The following PREX2 variants were observed in gnomAD, a reference collection of about 807,000 sequenced individuals.
PREX2 encodes the protein phosphatidylinositol-3,4,5-trisphosphate dependent Rac exchange factor 2, also known as phosphatidylinositol 3,4,5-trisphosphate-dependent Rac exchanger 2 protein.
In PREX2, 107 loss-of-function variants were observed where a neutral mutation model predicts 203.2. The ratio of observed to expected loss-of-function variants is 0.53; its 90% confidence interval spans 0.45 to 0.62. The LOEUF is 0.62. PREX2 is among the 20% of genes least tolerant of loss of function. The pLI is 0.00. For missense variants in PREX2, 1,777 were observed against 1,955.9 expected, an observed-to-expected ratio of 0.91 and a Z score of 1.72; for synonymous variants, 672 against 663.6, an observed-to-expected ratio of 1.01 and a Z score of -0.19.
chr8:67,982,779 A>G (rs1429735828), intron 1 of PREX2, among the ~76,000 whole-genome samples: 1 of 152,234 alleles, frequency 6.6e-6, no homozygotes, highest in Non-Finnish European at 1.5e-5. Context: ...CTGACCCTCA[A>G]GATGGAATGG....
chr8:68,150,758 G>A (rs564464134), intron 34 of PREX2, among the ~76,000 whole-genome samples: 3 of 152,242 alleles, frequency 2.0e-5, no homozygotes, highest in African/African-American at 7.2e-5. Flanking sequence ...GAAATGATGC[G>A]TTCATTTCCC....
chr8:68,062,770 C>T (rs538922080), intron 11 of PREX2, among the ~76,000 whole-genome samples: 197 of 151,268 alleles, frequency 1.3e-3, no homozygotes, highest in Non-Finnish European at 2.3e-3. Flanking sequence ...TGAAATCTTT[C>T]TTCATGTATT....
intron 37 of PREX2, among the ~76,000 whole-genome samples, chr8:68,193,419 C>G (rs1414591796): frequency 6.6e-6 from 1 of 152,124 alleles, no homozygotes; most frequent in Admixed American, 6.6e-5. Flanking sequence ...CCCATCAACC[C>G]GTCACCTACA....
At chr8:68,117,422 C>T (rs138146913) in intron 26 of PREX2, among the ~76,000 whole-genome samples, 125 of 152,278 alleles carry the variant, frequency 8.2e-4, no homozygotes, top group African/African-American at 2.9e-3. Context: ...AATAATAGAT[C>T]AGACAGATTA....
chr8:68,192,330 T>C lies in PREX2; in HGVS notation c.4414-5T>C, dbSNP rs190692381. ...AACTTGACGTTCATCACTTTTTTTCTGCAGCTAATGAGGCCTCTCAACGCT... is the reference window on the plus strand; with the variant it reads ...AACTTGACGTTCATCACTTTTTTTCCGCAGCTAATGAGGCCTCTCAACGCT... On this transcript the variant is annotated splice_region_variant and splice_polypyrimidine_tract_variant and intron_variant, in intron 36 of 39. Coordinates refer to ENST00000288368, the MANE Select transcript of PREX2 (RefSeq NM_024870.4). 5 of 1,576,236 alleles carry C rather than the reference T, an allele frequency of 3.2e-6. No individual in the cohort carries two copies. In the African/African-American group the frequency reaches 5.4e-5, roughly 17 times the overall value.
chr8:68,096,957 A>G lies in PREX2; in HGVS notation c.2369-60A>G, dbSNP rs527328817. 54 of 1,388,762 alleles carry G rather than the reference A, an allele frequency of 3.9e-5. No homozygotes were observed. The African/African-American group carries it at 6.2e-4, about 16-fold the overall frequency. The allele number at this position is 1,388,762 out of a possible 1,614,324, so 86.0% of individuals were successfully genotyped here. Reference sequence around the variant, plus strand: ...AAATTATTTAAAGAGACACAAAATTATTTGAGGAGATTAACAAATCCTTCA... The same window carrying G: ...AAATTATTTAAAGAGACACAAAATTGTTTGAGGAGATTAACAAATCCTTCA... On this transcript the variant is annotated intron_variant, in intron 21 of 39. Coordinates refer to ENST00000288368, the MANE Select transcript of PREX2 (RefSeq NM_024870.4).
chr8:68,100,673 G>A (rs1377551731), intron 23 of PREX2, among the ~76,000 whole-genome samples: 5 of 152,206 alleles, frequency 3.3e-5, no homozygotes, highest in African/African-American at 1.2e-4. Flanking sequence ...CAGAGGCTTA[G>A]GTGGGGCCAA....
chr8:67,981,309 A>G (rs977055376), intron 1 of PREX2, among the ~76,000 whole-genome samples: 3 of 152,182 alleles, frequency 2.0e-5, no homozygotes, highest in Admixed American at 6.5e-5. Context: ...TCTGGATGCC[A>G]TCTTTTAAAA....
chr8:68,022,345 T>C (rs1807594500), intron 4 of PREX2, among the ~76,000 whole-genome samples: 1 of 152,006 alleles, frequency 6.6e-6, no homozygotes, highest in Non-Finnish European at 1.5e-5. Context: ...TGCCCCCTCG[T>C]GGTTGATTAT....
chr8:67,961,804 T>C (rs1805641410), intron 1 of PREX2, among the ~76,000 whole-genome samples: 1 of 152,194 alleles, frequency 6.6e-6, no homozygotes, highest in South Asian at 2.1e-4. Context: ...TTGTATAGCC[T>C]TACATATAAC....
At chr8:67,966,711 A>G (rs1247009770) in intron 1 of PREX2, among the ~76,000 whole-genome samples, 2 of 152,262 alleles carry the variant, frequency 1.3e-5, no homozygotes, top group Non-Finnish European at 2.9e-5. Context: ...ACTTATTTTC[A>G]GCAATGAATC....
At chr8:68,215,473 T>C (rs925173462) in intron 37 of PREX2, among the ~76,000 whole-genome samples, 3 of 151,456 alleles carry the variant, frequency 2.0e-5, no homozygotes, top group Non-Finnish European at 4.4e-5. Context: ...GAGACCTTAA[T>C]GAGGAGAAAA....
At chr8:68,093,034 T>G (rs1809930575) in intron 20 of PREX2, among the ~76,000 whole-genome samples, 1 of 152,146 alleles carries the variant, frequency 6.6e-6, no homozygotes, top group African/African-American at 2.4e-5. Context: ...TTGGAATATA[T>G]CCTATTTAAA....
intron 35 of PREX2, among the ~76,000 whole-genome samples, chr8:68,165,202 C>T (rs1811737441): frequency 1.3e-5 from 2 of 152,088 alleles, no homozygotes; most frequent in South Asian, 4.1e-4. Context: ...ATTTCAACAT[C>T]AGCATCAATA....
At chr8:68,036,940 CA>C (rs991834797) in intron 6 of PREX2, among the ~76,000 whole-genome samples, 1 of 148,128 alleles carries the variant, frequency 6.8e-6, no homozygotes. Flanking sequence ...AACTCCATTT[CA>C]AAAAAAAAGA....
At chr8:67,989,827 A>AT (rs1806545050) in intron 1 of PREX2, among the ~76,000 whole-genome samples, 1 of 152,210 alleles carries the variant, frequency 6.6e-6, no homozygotes, top group Non-Finnish European at 1.5e-5. Flanking sequence ...GAAATGTCAC[A>AT]TTTCTGTAAA....
chr8:68,221,038 C>A (rs917369231), intron 38 of PREX2, among the ~76,000 whole-genome samples: 1 of 151,982 alleles, frequency 6.6e-6, no homozygotes, highest in Non-Finnish European at 1.5e-5. Flanking sequence ...TTTTGGAGTC[C>A]GCAGTATCTG....
chr8:68,164,885 C>CTT lies in PREX2; in HGVS notation c.4346+7449_4346+7450insTT, dbSNP rs1563571718. ...GTGTGAGCCACTGAGCCCGGCCAAA[C>CTT]CTTTTTTTTTTTTTTTTTACCAAAG... On this transcript the variant is annotated intron_variant, in intron 35 of 39. Coordinates refer to ENST00000288368, the MANE Select transcript of PREX2 (RefSeq NM_024870.4). Among the ~76,000 whole-genome samples the CTT allele has an allele frequency of 1.0e-4, 6 of 59,772 alleles. No homozygotes were observed. The South Asian group carries it at 4.2e-3, about 42-fold the overall frequency. The allele number at this position is 59,772 out of a possible 152,430, so 39.2% of individuals were successfully genotyped here.
rs549982251 is a variant in PREX2 at position 68,074,480 on chromosome 8, G to A, written c.1569+1910G>A. ...GCTTACTGCAATAGCTGTACATGCC[G>A]TCTCTTTTCTATCACCGAAACTTTA... is the stretch of plus-strand genomic sequence containing the variant. On this transcript the variant is annotated intron_variant, in intron 14 of 39. Coordinates refer to ENST00000288368, the MANE Select transcript of PREX2 (RefSeq NM_024870.4). Among the ~76,000 whole-genome samples, 10 of 152,172 alleles carry A rather than the reference G, an allele frequency of 6.6e-5. No individual in the cohort carries two copies. In the East Asian group the frequency reaches 9.7e-4, roughly 15 times the overall value.
Sources: allele counts gnomAD v4.1 joint callset (sites outside exome capture counted in the v4.1 genomes callset), GRCh38; gene constraint gnomAD v4.1.1; transcripts MANE v1.5; gene names NCBI Gene and HGNC (gene_info 2026-07-23, HGNC 2026-07-21).